Variants in PHF21A observed in about 807,000 individuals in gnomAD.
The protein encoded by PHF21A is PHD finger protein 21A.
In PHF21A, 11 loss-of-function variants were observed where a neutral mutation model predicts 82.5. That is an observed-to-expected ratio of 0.13 (90% CI 0.08 to 0.22). The LOEUF is 0.22. Among genes scored for constraint, PHF21A ranks in the 10% least tolerant of loss-of-function variants. PHF21A has a pLI of 1.00. For synonymous variants in PHF21A, 297 were observed against 302.8 expected (o/e 0.98, Z 0.20); for missense variants, 579 against 837.8 (o/e 0.69, Z 3.81).
intron 6 of PHF21A, 63 bp from the exon 7 acceptor site, chr11:45,980,029 A>C: frequency 6.2e-7 from 1 of 1,606,446 alleles, no homozygotes; most frequent in Non-Finnish European, 8.5e-7. Flanking sequence ...GCTGCACAGA[A>C]ATATGCTCTG....
chr11:46,035,363 G>A (rs2095975041), intron 6 of PHF21A, among the ~76,000 whole-genome samples: 1 of 152,142 alleles, frequency 6.6e-6, no homozygotes, highest in Admixed American at 6.5e-5. Flanking sequence ...CTGCTAATCT[G>A]TTTGTTCCTT....
intron 6 of PHF21A, among the ~76,000 whole-genome samples, chr11:46,063,519 A>G (rs2096560435): frequency 6.6e-6 from 1 of 152,192 alleles, no homozygotes; most frequent in South Asian, 2.1e-4. Flanking sequence ...AATTTTACAA[A>G]AACAGGTGGC....
chr11:46,003,339 C>T (rs1341600516), intron 6 of PHF21A, among the ~76,000 whole-genome samples: 3 of 151,534 alleles, frequency 2.0e-5, no homozygotes, highest in African/African-American at 7.3e-5. Context: ...GTCTAGTCAT[C>T]ACTCAGACTC....
intron 6 of PHF21A, among the ~76,000 whole-genome samples, chr11:46,020,487 C>T (rs2095606730): frequency 6.6e-6 from 1 of 152,186 alleles, no homozygotes; most frequent in African/African-American, 2.4e-5. Flanking sequence ...TGGATTACTG[C>T]TGTATCTTTT....
intron 10 of PHF21A, among the ~76,000 whole-genome samples, chr11:45,958,449 T>TATATATATACACACACAC (rs780397923): frequency 4.0e-4 from 6 of 15,060 alleles, no homozygotes; most frequent in Non-Finnish European, 5.2e-4. Context: ...TATATATATA[T>TATATATATACACACACAC]ACACACACAC....
At chr11:45,961,072 G>A (rs544168577) in intron 10 of PHF21A, among the ~76,000 whole-genome samples, 129 of 152,188 alleles carry the variant, frequency 8.5e-4, no homozygotes, top group African/African-American at 2.6e-3. Flanking sequence ...GAATAAAAGC[G>A]GGATATCTGT....
intron 6 of PHF21A, among the ~76,000 whole-genome samples, chr11:45,985,363 T>A (rs966997735): frequency 1.3e-5 from 2 of 152,208 alleles, no homozygotes; most frequent in African/African-American, 4.8e-5. Flanking sequence ...GTAAAATGTA[T>A]GTATTGTTTA....
chr11:46,055,034 T>G (rs911788310), intron 6 of PHF21A, among the ~76,000 whole-genome samples: 33 of 152,300 alleles, frequency 2.2e-4, no homozygotes, highest in Middle Eastern at 3.4e-3. Context: ...TTTATATGGA[T>G]CTACAGGTTA....
intron 1 of PHF21A, among the ~76,000 whole-genome samples, chr11:46,114,130 T>C (rs1178863159): frequency 6.6e-6 from 1 of 151,772 alleles, no homozygotes; most frequent in East Asian, 1.9e-4. Context: ...CACACACGCT[T>C]CTACAAAGAA....
chr11:46,092,623 C>T (rs2096938386), intron 1 of PHF21A, among the ~76,000 whole-genome samples: 1 of 152,116 alleles, frequency 6.6e-6, no homozygotes, highest in African/African-American at 2.4e-5. Flanking sequence ...TAGTTTGGTC[C>T]TCATAAAAGG....
rs113638559 is a variant in PHF21A, at chr11:45,999,277, T to C, written c.154-19311A>G. On this transcript the variant is annotated intron_variant, in intron 6 of 18. Coordinates refer to ENST00000676320, the MANE Select transcript of PHF21A (RefSeq NM_001352027.3). The stretch of plus-strand genomic sequence containing the variant: ...CTGGGAGAGTATATATTTTGTGCAA[T>C]GCTAACTCAAGGAAACTTTTTTGAG... Among the ~76,000 whole-genome samples the C allele has an allele frequency of 7.6e-3, 1,162 of 152,324 alleles. 14 individuals are homozygous for C. The highest frequency in any genetic ancestry group is 0.027 in the African/African-American group (1,111 of 41,572).
At chr11:46,037,343 T>TA (rs778977374) in intron 6 of PHF21A, among the ~76,000 whole-genome samples, 1 of 152,076 alleles carries the variant, frequency 6.6e-6, no homozygotes, top group Non-Finnish European at 1.5e-5. Flanking sequence ...GGCCTATTGA[T>TA]AAAAAATGGA....
chr11:45,971,331 T>C lies in PHF21A; in HGVS notation c.397A>G (p.Thr133Ala). 1 of 1,614,120 alleles carries C rather than the reference T, an allele frequency of 6.2e-7. No homozygotes were observed. Among genetic ancestry groups the C allele is most frequent in the East Asian group, 2.2e-5 (1 of 44,886 alleles). The change falls in exon 8 of 19, where the codon ACA becomes GCA. Residue 133 changes from threonine to alanine, a missense_variant. By Grantham distance (58) the Thr-to-Ala change is moderately conservative (BLOSUM62 0). Transcript: ENST00000676320. ...VTTASMITTK[T>A]LPLVLKAATA... ...GCTGCTTTCAAGACGAGAGGTAGTG[T>C]CTTTGTGGTAATCATAGAAGCTGTA...
At position 46,090,540 on chromosome 11, in the gene PHF21A, T is replaced by C. The variant is rs1000895525; in HGVS notation, c.-169A>G. 6.6e-6 allele frequency: 1 copy of C among 152,166 alleles called. No individual in the cohort carries two copies. Among genetic ancestry groups the C allele is most frequent in the Non-Finnish European group, 1.5e-5 (1 of 68,026 alleles). The allele number at this position is 152,166 out of a possible 1,614,324, so 9.4% of individuals were successfully genotyped here. On this transcript the variant is annotated 5_prime_UTR_variant, in exon 3 of 19. It removes an upstream start codon present in the reference 5' UTR. Coordinates refer to ENST00000676320, the MANE Select transcript of PHF21A (RefSeq NM_001352027.3). ...CCCTCTTGGAGATTCACAATGCACATTAGCATATTAAAGGTTCTGAGAAGT... is the reference window on the plus strand; with the variant it reads ...CCCTCTTGGAGATTCACAATGCACACTAGCATATTAAAGGTTCTGAGAAGT...
chr11:46,025,364 T>C (rs78929317), intron 6 of PHF21A, among the ~76,000 whole-genome samples: 1,718 of 152,332 alleles, frequency 0.011, 28 homozygotes, highest in African/African-American at 0.036. Flanking sequence ...AGTTGGTTTT[T>C]AGGTCAAATT....
At chr11:46,110,008 A>G (rs905176413) in intron 1 of PHF21A, among the ~76,000 whole-genome samples, 1 of 151,468 alleles carries the variant, frequency 6.6e-6, no homozygotes, top group African/African-American at 2.4e-5. Context: ...GTACTGGTCT[A>G]TTGGGAGCAG....
intron 6 of PHF21A, among the ~76,000 whole-genome samples, chr11:45,999,937 C>T (rs751748943): frequency 1.1e-4 from 17 of 152,200 alleles, no homozygotes; most frequent in Non-Finnish European, 1.9e-4. Flanking sequence ...AAGAGAAAGT[C>T]GCAATATTCT....
At chr11:45,982,344 C>T (rs2136350583) in intron 6 of PHF21A, among the ~76,000 whole-genome samples, 1 of 152,164 alleles carries the variant, frequency 6.6e-6, no homozygotes, top group Admixed American at 6.5e-5. Flanking sequence ...GGGAAAAATT[C>T]TGCTATGCAT....
At chr11:46,007,751 T>C (rs2095329397) in intron 6 of PHF21A, among the ~76,000 whole-genome samples, 1 of 152,242 alleles carries the variant, frequency 6.6e-6, no homozygotes, top group Non-Finnish European at 1.5e-5. Context: ...AGAAGTGAGA[T>C]GTGTACCCTT....
Sources: gnomAD v4.1 joint callset for allele counts (sites outside exome capture counted in the v4.1 genomes callset) on GRCh38, gnomAD v4.1.1 for gene constraint, MANE v1.5 for transcripts, NCBI Gene and HGNC (gene_info 2026-07-23, HGNC 2026-07-21) for gene names.